The following DPP6 variants were observed in gnomAD, a reference collection of about 807,000 sequenced individuals.
The protein encoded by DPP6 is A-type potassium channel modulatory protein DPP6.
In DPP6, 69 loss-of-function variants were observed where a neutral mutation model predicts 122.6. The ratio of observed to expected loss-of-function variants is 0.56; its 90% CI spans 0.46 to 0.69. The LOEUF (loss-of-function observed/expected upper bound fraction) is 0.69. Among genes scored for constraint, DPP6 ranks in the 30% least tolerant of loss-of-function variants. The pLI, the probability that DPP6 is intolerant of heterozygous loss-of-function variation, is 0.00. For missense variants in DPP6, 928 were observed against 1,116.9 expected (o/e 0.83, Z 2.41); for synonymous variants, 418 against 433.1 (o/e 0.97, Z 0.43).
intron 1 of DPP6, among the ~76,000 whole-genome samples, chr7:154,014,073 C>T (rs552950526): frequency 6.5e-4 from 99 of 152,160 alleles, no homozygotes; most frequent in Middle Eastern, 3.4e-3. Flanking sequence ...TACCTAATAC[C>T]TAATTCCAAT....
At chr7:153,908,098 T>C (rs1325063452) in intron 1 of DPP6, among the ~76,000 whole-genome samples, 2 of 151,930 alleles carry the variant, frequency 1.3e-5, no homozygotes, top group Non-Finnish European at 2.9e-5. Flanking sequence ...TACAATTCTT[T>C]TTTAGCTGAT....
upstream of DPP6, among the ~76,000 whole-genome samples, chr7:154,051,547 C>T (rs1471267026): frequency 7.4e-6 from 1 of 135,266 alleles, no homozygotes; most frequent in Non-Finnish European, 1.6e-5. Context: ...CTTCCTGCGG[C>T]TGGGCAGGAG....
chr7:154,361,603 C>CAAAAAAAAAAAAAAAAAAAAAAAA (rs34342809), intron 1 of DPP6, among the ~76,000 whole-genome samples: 1 of 57,976 alleles, frequency 1.7e-5, no homozygotes, highest in Non-Finnish European at 4.1e-5. Context: ...AATTGCTAGC[C>CAAAAAAAAAAAAAAAAAAAAAAAA]AAAAAAAAAA....
At chr7:153,886,728 C>G (rs573135895), upstream of DPP6, among the ~76,000 whole-genome samples, 9 of 152,282 alleles carry the variant, frequency 5.9e-5, no homozygotes, top group South Asian at 1.9e-3. Context: ...CGACGTGTGT[C>G]CCATAGTAAC....
chr7:154,635,209 A>T (rs1835661225), intron 5 of DPP6, among the ~76,000 whole-genome samples: 1 of 152,172 alleles, frequency 6.6e-6, no homozygotes, highest in Non-Finnish European at 1.5e-5. Flanking sequence ...AGACTAAATG[A>T]GTTCTTGCAT....
intron 1 of DPP6, among the ~76,000 whole-genome samples, chr7:154,260,667 A>G (rs1040544643): frequency 2.0e-5 from 3 of 147,726 alleles, no homozygotes; most frequent in Non-Finnish European, 4.5e-5. Flanking sequence ...ATTCCTTCGT[A>G]TATATATATA....
chr7:154,425,641 T>G (rs1176808424), intron 1 of DPP6, among the ~76,000 whole-genome samples: 2,271 of 151,616 alleles, frequency 0.015, 67 homozygotes, highest in African/African-American at 0.053. Flanking sequence ...TGTGTGTGTG[T>G]GTGTGTGTGT....
At chr7:153,827,102 A>G in the DPP6 span, among the ~76,000 whole-genome samples, 1 of 152,218 alleles carries the variant, frequency 6.6e-6, no homozygotes, top group African/African-American at 2.4e-5. Context: ...AAAAAAGTTA[A>G]GTCATTAAAT....
intron 10 of DPP6, among the ~76,000 whole-genome samples, chr7:154,781,647 C>T (rs984807785): frequency 6.6e-6 from 1 of 152,186 alleles, no homozygotes; most frequent in African/African-American, 2.4e-5. Context: ...TATTTAGGGT[C>T]GTTTCAGTTT....
the DPP6 span, among the ~76,000 whole-genome samples, chr7:153,814,945 G>C: frequency 6.6e-6 from 1 of 152,072 alleles, no homozygotes; most frequent in African/African-American, 2.4e-5. Context: ...ATTAGGTATT[G>C]ATGGGACGTA....
intron 1 of DPP6, among the ~76,000 whole-genome samples, chr7:154,249,945 G>A (rs1236946992): frequency 6.6e-6 from 1 of 152,176 alleles, no homozygotes; most frequent in African/African-American, 2.4e-5. Context: ...CAGGCAGACA[G>A]CCTGGTACCA....
At chr7:154,384,728 TC>T (rs1813925842) in intron 1 of DPP6, among the ~76,000 whole-genome samples, 1 of 125,590 alleles carries the variant, frequency 8.0e-6, no homozygotes, top group South Asian at 2.5e-4. Flanking sequence ...TTTCTTTCTT[TC>T]TTTCTTTCTT....
upstream of DPP6, among the ~76,000 whole-genome samples, chr7:153,882,137 C>T (rs1318181547): frequency 6.6e-6 from 1 of 152,158 alleles, no homozygotes; most frequent in African/African-American, 2.4e-5. Flanking sequence ...TATGCTTTCT[C>T]CAAACGATTA....
At chr7:153,912,898 T>C (rs1214753758) in intron 1 of DPP6, among the ~76,000 whole-genome samples, 4 of 152,178 alleles carry the variant, frequency 2.6e-5, no homozygotes, top group African/African-American at 9.7e-5. Flanking sequence ...AGAAAAATAG[T>C]AAACCTCTGA....
In DPP6 at chr7:154,444,083, T is replaced by C. The variant is rs1202943448; in HGVS notation, c.244-2131T>C. ...AAGAAGCACATATTAGCTTGCATTC[T>C]AACTTGAAAACTGCATCTATGCTGT... is the stretch of plus-strand genomic sequence containing the variant. On this transcript the variant is annotated intron_variant, in intron 1 of 25. Coordinates refer to ENST00000377770, the MANE Select transcript of DPP6 (RefSeq NM_130797.4). Among the ~76,000 whole-genome samples, 7 of 152,338 alleles carry C rather than the reference T, an allele frequency of 4.6e-5. No individual in the cohort carries two copies. In the East Asian group the frequency reaches 1.4e-3, roughly 29 times the overall value.
intron 1 of DPP6, among the ~76,000 whole-genome samples, chr7:154,121,813 C>G (rs1421749538): frequency 1.3e-5 from 2 of 152,174 alleles, no homozygotes; most frequent in African/African-American, 4.8e-5. Context: ...GGTGTTCCCA[C>G]CAGAGCATGC....
chr7:154,227,274 G>A (rs1470801520), intron 1 of DPP6, among the ~76,000 whole-genome samples: 5 of 148,324 alleles, frequency 3.4e-5, no homozygotes, highest in South Asian at 2.1e-4. Context: ...AGGAAATTCC[G>A]CCATATGCTA....
intron 1 of DPP6, among the ~76,000 whole-genome samples, chr7:154,405,409 C>A (rs1044060763): frequency 2.0e-5 from 3 of 152,152 alleles, no homozygotes; most frequent in Non-Finnish European, 2.9e-5. Context: ...TCTAGCTACA[C>A]ATGAAAATAA....
intron 1 of DPP6, among the ~76,000 whole-genome samples, chr7:154,014,954 CAG>C (rs1291807377): frequency 6.6e-6 from 1 of 152,112 alleles, no homozygotes; most frequent in African/African-American, 2.4e-5. Context: ...TTCTGGGTCT[CAG>C]AATACCCTTT....
Sources: gnomAD v4.1 joint callset for allele counts (sites outside exome capture counted in the v4.1 genomes callset) on GRCh38, gnomAD v4.1.1 for gene constraint, MANE v1.5 for transcripts, NCBI Gene and HGNC (gene_info 2026-07-23, HGNC 2026-07-21) for gene names.